Variants in PPP1R1C observed in about 807,000 individuals in gnomAD.
The protein encoded by PPP1R1C is protein phosphatase 1 regulatory subunit 1C.
Under a neutral mutation model 17.4 loss-of-function variants are expected in PPP1R1C, and 15 were observed. The observed-to-expected ratio is 0.86, with a 90% CI of 0.58 to 1.33. The LOEUF (loss-of-function observed/expected upper bound fraction) is 1.33. Among genes scored for constraint, PPP1R1C ranks in the 40% most tolerant of loss-of-function variants. PPP1R1C has a pLI of 0.00. For synonymous variants in PPP1R1C, 35 were observed against 43.1 expected, an observed-to-expected ratio of 0.81 and a Z score of 0.73; for missense variants, 143 against 130.0, an observed-to-expected ratio of 1.10 and a Z score of -0.48.
chr2:182,032,464 T>C (rs1408853950), intron 2 of PPP1R1C, among the ~76,000 whole-genome samples: 1 of 152,174 alleles, frequency 6.6e-6, no homozygotes, highest in Admixed American at 6.5e-5. Flanking sequence ...TATGTCTCCA[T>C]TACTAAGGGG....
intron 2 of PPP1R1C, among the ~76,000 whole-genome samples, chr2:181,991,915 G>T (rs1685484932): frequency 6.6e-6 from 1 of 152,086 alleles, no homozygotes; most frequent in Admixed American, 6.6e-5. Flanking sequence ...AATCCTCTCT[G>T]TAGGGAAATA....
chr2:182,020,935 T>C (rs1326154699), intron 2 of PPP1R1C, among the ~76,000 whole-genome samples: 1 of 152,188 alleles, frequency 6.6e-6, no homozygotes, highest in East Asian at 1.9e-4. Flanking sequence ...CAAATACACT[T>C]GTCTGTGCTT....
chr2:182,012,427 T>A (rs1686112362), intron 2 of PPP1R1C, among the ~76,000 whole-genome samples: 1 of 152,082 alleles, frequency 6.6e-6, no homozygotes, highest in South Asian at 2.1e-4. Flanking sequence ...CAGCATATAT[T>A]GTATGTCATT....
chr2:181,965,603 A>G (rs974105238), intron 1 of PPP1R1C, among the ~76,000 whole-genome samples: 2 of 152,162 alleles, frequency 1.3e-5, no homozygotes, highest in Non-Finnish European at 2.9e-5. Flanking sequence ...AAATGAGTTC[A>G]CTGTAGCTGT....
intron 4 of PPP1R1C, among the ~76,000 whole-genome samples, chr2:182,105,541 G>A (rs925199985): frequency 5.9e-5 from 9 of 152,090 alleles, no homozygotes; most frequent in African/African-American, 2.2e-4. Flanking sequence ...GACGGGAGAG[G>A]GAATGGGTCA....
At chr2:182,105,480 AGAAGAGAG>A (rs140951786) in intron 4 of PPP1R1C, among the ~76,000 whole-genome samples, 36,653 of 151,908 alleles carry the variant, frequency 0.24, 4,910 homozygotes, top group African/African-American at 0.37. Flanking sequence ...TGAGTACCAC[AGAAGAGAG>A]AAGGGCAAAG....
At chr2:182,061,301 C>T (rs746459310) in intron 2 of PPP1R1C, 141 bp from the exon 3 acceptor site, 3 of 591,876 alleles carry the variant, frequency 5.1e-6, no homozygotes, top group Non-Finnish European at 2.8e-6. Flanking sequence ...CTCTGTCCTC[C>T]TCTCCTTCTT....
intron 2 of PPP1R1C, among the ~76,000 whole-genome samples, chr2:181,991,127 C>A (rs1451364819): frequency 5.6e-5 from 8 of 142,872 alleles, no homozygotes; most frequent in Non-Finnish European, 9.2e-5. Context: ...TTTTTTTTAA[C>A]CTTTTGAAGT....
At chr2:182,067,073 A>T (rs1390741762) in intron 4 of PPP1R1C, among the ~76,000 whole-genome samples, 1 of 152,106 alleles carries the variant, frequency 6.6e-6, no homozygotes, top group Non-Finnish European at 1.5e-5. Flanking sequence ...GGAACATTAA[A>T]CAAAGCAGCT....
At position 181,998,239 on chromosome 2, in the gene PPP1R1C, T is replaced by G. The variant is rs1341506200; in HGVS notation, c.142+10340T>G. Among the ~76,000 whole-genome samples, 4 of 152,198 alleles carry G rather than the reference T, an allele frequency of 2.6e-5. 1 individual carries two copies. The highest frequency in any genetic ancestry group is 5.9e-5 in the Non-Finnish European group (4 of 68,028). On this transcript the variant is annotated intron_variant, in intron 2 of 4. Coordinates refer to ENST00000682840, the MANE Select transcript of PPP1R1C (RefSeq NM_001080545.3). The stretch of plus-strand genomic sequence containing the variant: ...CATTGGTTGTGTTGCTGGAATCAAG[T>G]GAGATCATGCATGCTGGCAACACTA...
intron 2 of PPP1R1C, among the ~76,000 whole-genome samples, chr2:181,996,186 C>T (rs16867521): frequency 0.019 from 2,898 of 152,272 alleles, 87 homozygotes; most frequent in African/African-American, 0.066. Flanking sequence ...GTTGCTATAA[C>T]TTCTAAAACA....
intron 1 of PPP1R1C, among the ~76,000 whole-genome samples, chr2:181,970,494 G>A (rs898959849): frequency 6.6e-6 from 1 of 152,148 alleles, no homozygotes; most frequent in Non-Finnish European, 1.5e-5. Context: ...TCCCCAAACA[G>A]AGTTTTTCTC....
chr2:182,098,485 A>G lies in PPP1R1C; in HGVS notation c.242-18722A>G, dbSNP rs557872191. Reference sequence around the variant, plus strand: ...TTATTTATGTAAAGAGTATTAACTTAAGAACAAATATCTAAAATAAGTAAG... The same window carrying G: ...TTATTTATGTAAAGAGTATTAACTTGAGAACAAATATCTAAAATAAGTAAG... On this transcript the variant is annotated intron_variant, in intron 4 of 4. Coordinates refer to ENST00000682840, the MANE Select transcript of PPP1R1C (RefSeq NM_001080545.3). 2.0e-5 allele frequency among the ~76,000 whole-genome samples: 3 copies of G among 152,298 alleles called. No homozygotes were observed. The South Asian group carries it at 6.2e-4, about 32-fold the overall frequency.
intron 1 of PPP1R1C, among the ~76,000 whole-genome samples, chr2:181,974,709 C>T (rs1559042379): frequency 6.6e-6 from 1 of 152,286 alleles, no homozygotes; most frequent in East Asian, 1.9e-4. Context: ...ATGGAGAAGA[C>T]AGTCACTTGG....
In PPP1R1C at chr2:182,117,399, C is replaced by A; in HGVS notation, c.*104C>A. 1 of 772,350 alleles carries A rather than the reference C, an allele frequency of 1.3e-6. No homozygotes were observed. Among genetic ancestry groups the A allele is most frequent in the Non-Finnish European group, 2.1e-6 (1 of 466,546 alleles). The allele number at this position is 772,350 out of a possible 1,614,324, so 47.8% of individuals were successfully genotyped here. On this transcript the variant is annotated 3_prime_UTR_variant, in exon 5 of 5. Transcript: ENST00000682840. ...CTTGACTTCCAGAAGCATCCTCCAT[C>A]TCTGCACCCCACACTCATACAGTAG...
intron 4 of PPP1R1C, among the ~76,000 whole-genome samples, chr2:182,096,592 A>T (rs1254634625): frequency 6.6e-6 from 1 of 152,106 alleles, no homozygotes; most frequent in Non-Finnish European, 1.5e-5. Context: ...TTCTATCTTC[A>T]GTGGTCCTTT....
At chr2:182,074,194 A>G (rs1043404870) in intron 4 of PPP1R1C, among the ~76,000 whole-genome samples, 3 of 151,914 alleles carry the variant, frequency 2.0e-5, no homozygotes, top group Admixed American at 1.3e-4. Context: ...GGCGCCCGCC[A>G]TCACGCCCGG....
intron 1 of PPP1R1C, among the ~76,000 whole-genome samples, chr2:181,955,021 G>A (rs1451404668): frequency 6.6e-6 from 1 of 152,164 alleles, no homozygotes; most frequent in African/African-American, 2.4e-5. Flanking sequence ...GGTGACCTCT[G>A]TCAGCTTTAT....
chr2:182,095,414 G>C (rs908137558), intron 4 of PPP1R1C, among the ~76,000 whole-genome samples: 2 of 152,178 alleles, frequency 1.3e-5, no homozygotes, highest in Non-Finnish European at 2.9e-5. Context: ...TATTTGGCTT[G>C]TCTCAGAAAG....
Sources: allele counts gnomAD v4.1 joint callset (sites outside exome capture counted in the v4.1 genomes callset), GRCh38; gene constraint gnomAD v4.1.1; transcripts MANE v1.5; gene names NCBI Gene and HGNC (gene_info 2026-07-23, HGNC 2026-07-21).